BRD7: variants seen among roughly 807,000 people sequenced by gnomAD.
BRD7 encodes bromodomain containing 7, also known as bromodomain-containing protein 7.
In BRD7, 15 loss-of-function variants were observed where a neutral mutation model predicts 82.1. The observed-to-expected ratio is 0.18, with a 90% CI of 0.12 to 0.28. The LOEUF (loss-of-function observed/expected upper bound fraction) is 0.28. BRD7 is among the 10% of genes least tolerant of loss of function. The pLI is 1.00. For missense variants in BRD7, 638 were observed against 779.9 expected (o/e 0.82, Z 2.17); for synonymous variants, 232 against 266.9 (o/e 0.87, Z 1.27).
chr16:50,363,323 G>A (rs1371260255), intron 2 of BRD7, among the ~76,000 whole-genome samples: 2 of 152,124 alleles, frequency 1.3e-5, no homozygotes, highest in African/African-American at 4.8e-5. Context: ...TATTAAGACT[G>A]AACATTTAGG....
In BRD7 at chr16:50,344,725, T is replaced by C. The variant is rs180796780; in HGVS notation, c.592-4639A>G. ...AAAGAGAAGTTTAGAGGAAAAGGAG[T>C]GAAAAGAAATGAACAAAGCCTCCAA... On this transcript the variant is annotated intron_variant, in intron 5 of 16. Transcript: ENST00000394688. 1.2e-3 allele frequency among the ~76,000 whole-genome samples: 185 copies of C among 150,818 alleles called. 1 individual carries two copies. Among genetic ancestry groups the C allele is most frequent in the Non-Finnish European group, 5.9e-5 (4 of 67,554 alleles).
intron 6 of BRD7, among the ~76,000 whole-genome samples, chr16:50,336,807 C>A (rs1389089311): frequency 3.3e-5 from 5 of 152,114 alleles, no homozygotes; most frequent in Non-Finnish European, 7.4e-5. Flanking sequence ...AGTTTCTAAA[C>A]CTTGAAACAA....
At chr16:50,345,202 A>G (rs189441350) in intron 5 of BRD7, among the ~76,000 whole-genome samples, 98 of 152,382 alleles carry the variant, frequency 6.4e-4, no homozygotes, top group Non-Finnish European at 1.1e-3. Flanking sequence ...AAAATCTTTT[A>G]CAGACAAACA....
chr16:50,335,450 A>G (rs554781507), intron 6 of BRD7, among the ~76,000 whole-genome samples: 2 of 152,342 alleles, frequency 1.3e-5, no homozygotes, highest in South Asian at 2.1e-4. Context: ...CGCTAACCAA[A>G]GAAGTCTTGT....
intron 12 of BRD7, among the ~76,000 whole-genome samples, 160 bp downstream of exon 12, chr16:50,323,427 C>T (rs1380520233): frequency 2.0e-5 from 3 of 152,218 alleles, no homozygotes; most frequent in Non-Finnish European, 4.4e-5. Context: ...TACTCCTTTC[C>T]GTTTATTGTC....
At chr16:50,334,918 TTATTA>T (rs571385433) in intron 6 of BRD7, 23 bp from the exon 7 acceptor site, 2 of 1,599,058 alleles carry the variant, frequency 1.3e-6, no homozygotes, top group Non-Finnish European at 1.7e-6. Context: ...GAAAATATTC[TTATTA>T]TATGTTTGTC....
intron 2 of BRD7, 132 bp from the exon 3 acceptor site, chr16:50,355,054 C>T: frequency 1.9e-6 from 2 of 1,057,834 alleles, no homozygotes; most frequent in East Asian, 2.7e-5. Flanking sequence ...ATGTACTTTA[C>T]TGCCATCTAC....
intron 4 of BRD7, among the ~76,000 whole-genome samples, chr16:50,351,698 T>C (rs1406274147): frequency 6.6e-6 from 1 of 152,240 alleles, no homozygotes; most frequent in Non-Finnish European, 1.5e-5. Context: ...TAAGAAATAC[T>C]TCCTGAAGTG....
In BRD7 at chr16:50,322,178, A is replaced by G. The variant is rs918040032; in HGVS notation, c.1444-140T>C. 3.6e-5 allele frequency: 23 copies of G among 643,022 alleles called. No homozygotes were observed. The Admixed American group carries it at 6.2e-4, about 17-fold the overall frequency. 39.8% of individuals were successfully genotyped at this position (643,022 alleles called of 1,614,324 possible). A position where few individuals can be genotyped will look rare whatever the true frequency, so the allele number is the denominator to read the frequency against. On this transcript the variant is annotated intron_variant, in intron 12 of 16. Coordinates refer to ENST00000394688, the MANE Select transcript of BRD7 (RefSeq NM_013263.5). ...ACTGGAATATAATTTTTCAGGCCAA[A>G]ATGACTAAATATAATTATTAGCATT...
intron 13 of BRD7, 28 bp downstream of exon 13, chr16:50,321,954 T>C: frequency 1.9e-6 from 3 of 1,587,040 alleles, no homozygotes. Context: ...CATTTAAATA[T>C]TTCTTGTAAA....
intron 15 of BRD7, 66 bp downstream of exon 15, chr16:50,320,182 C>T: frequency 2.6e-6 from 4 of 1,559,854 alleles, no homozygotes; most frequent in Non-Finnish European, 3.5e-6. Flanking sequence ...GGCATCACCA[C>T]TGTACTCAAG....
At chr16:50,320,432 T>C in intron 14 of BRD7, 41 bp from the exon 15 acceptor site, 1 of 1,599,566 alleles carries the variant, frequency 6.3e-7, no homozygotes, top group Non-Finnish European at 8.5e-7. Flanking sequence ...TTTGATCTTG[T>C]GCAGTAAACC....
chr16:50,334,634 A>C, intron 7 of BRD7, 77 bp downstream of exon 7: 9 of 1,511,122 alleles, frequency 6.0e-6, no homozygotes, highest in Non-Finnish European at 8.0e-6. Context: ...TTCCCAAGTC[A>C]GGCCCCGAAT....
chr16:50,325,959 T>C lies in BRD7; in HGVS notation c.1196-76A>G, dbSNP rs1159968503. On this transcript the variant is annotated intron_variant, in intron 10 of 16. Coordinates refer to ENST00000394688, the MANE Select transcript of BRD7 (RefSeq NM_013263.5). ...TCTATTTTGTTTTACCAAAAGATTA[T>C]TTATTCTCTCCTAACTTTACTACTT... is the stretch of plus-strand genomic sequence containing the variant. 5.7e-6 allele frequency: 8 copies of C among 1,407,370 alleles called. No individual in the cohort carries two copies. The South Asian group carries it at 1.1e-4, about 20-fold the overall frequency. The allele number at this position is 1,407,370 out of a possible 1,614,324, so 87.2% of individuals were successfully genotyped here.
intron 6 of BRD7, among the ~76,000 whole-genome samples, chr16:50,338,249 C>T (rs2151165127): frequency 6.6e-6 from 1 of 152,312 alleles, no homozygotes. Context: ...ATTCCTCTTT[C>T]CTCTGCGAAT....
In BRD7 at chr16:50,320,163, C is replaced by T. The variant is rs1021999078; in HGVS notation, c.1756+85G>A. On this transcript the variant is annotated intron_variant, in intron 15 of 16. Transcript: ENST00000394688. ...GTCCCTGGGATTCACATCAGCATTA[C>T]TCTATAGTGGCATCACCACTGTACT... 6.8e-5 allele frequency: 105 copies of T among 1,536,942 alleles called. No individual in the cohort carries two copies. The Middle Eastern group carries it at 9.2e-4, about 13-fold the overall frequency.
intron 5 of BRD7, chr16:50,349,429 A>T (rs892764547): frequency 3.2e-5 from 12 of 377,124 alleles, no homozygotes; most frequent in Non-Finnish European, 5.8e-5. Flanking sequence ...CCATCTAAAA[A>T]AAAAAAAGAA....
At position 50,319,278 on chromosome 16, in the gene BRD7, A is replaced by C; in HGVS notation, c.1901-12T>G. 1 of 1,611,798 alleles carries C rather than the reference A, an allele frequency of 6.2e-7. No individual in the cohort carries two copies. The highest frequency in any genetic ancestry group is 8.5e-7 in the Non-Finnish European group (1 of 1,179,242). On this transcript the variant is annotated splice_polypyrimidine_tract_variant and intron_variant, in intron 16 of 16. Transcript: ENST00000394688. ...AGGTTCTTCAGTGTCTGAAAGAAAA[A>C]GACATCACTTAATTCAACATTGTTT...
Position 50,324,204 on chromosome 16 carries a change from G to A in BRD7, c.1332-506C>T, listed in dbSNP as rs373719722. Among the ~76,000 whole-genome samples the A allele has an allele frequency of 4.6e-5, 7 of 152,186 alleles. No homozygotes were observed. The South Asian group carries it at 1.5e-3, about 32-fold the overall frequency. On this transcript the variant is annotated intron_variant, in intron 11 of 16. Transcript: ENST00000394688. ...AACTGCAGTCTTCCAGGCTCAGTGT[G>A]CAAACCCTGGAGTAAGCCTCGGCAT...
Sources: allele counts gnomAD v4.1 joint callset (sites outside exome capture counted in the v4.1 genomes callset), GRCh38; gene constraint gnomAD v4.1.1; transcripts MANE v1.5; gene names NCBI Gene and HGNC (gene_info 2026-07-23, HGNC 2026-07-21).